GRIN2A: variants seen among roughly 807,000 people sequenced by gnomAD.
GRIN2A encodes the protein glutamate receptor ionotropic, NMDA 2A.
In GRIN2A, 22 loss-of-function variants were observed where a neutral mutation model predicts 113.4. That is an observed-to-expected ratio of 0.19 (90% CI 0.14 to 0.28). The LOEUF is 0.28. Among genes scored for constraint, GRIN2A ranks in the 10% least tolerant of loss-of-function variants. The pLI is 1.00. For synonymous variants in GRIN2A, 827 were observed against 738.4 expected, an observed-to-expected ratio of 1.12 and a Z score of -1.94; for missense variants, 1,502 against 1,887.0, an observed-to-expected ratio of 0.80 and a Z score of 3.78.
At chr16:9,950,289 A>G (rs1459046421) in intron 2 of GRIN2A, among the ~76,000 whole-genome samples, 3 of 152,090 alleles carry the variant, frequency 2.0e-5, no homozygotes, top group African/African-American at 7.2e-5. Context: ...CTCCTCTCCC[A>G]GCTACATATC....
intron 2 of GRIN2A, among the ~76,000 whole-genome samples, chr16:10,031,790 G>A (rs1350497405): frequency 6.6e-6 from 1 of 152,324 alleles, no homozygotes; most frequent in Non-Finnish European, 1.5e-5. Context: ...TGTGGCCTGA[G>A]GGTCTCAGCA....
chr16:10,171,778 A>G (rs979493287), intron 2 of GRIN2A, among the ~76,000 whole-genome samples: 1 of 152,242 alleles, frequency 6.6e-6, no homozygotes. Context: ...ATTTATTATA[A>G]GGTAGGCACT....
At chr16:9,990,561 GCGCACACACACACA>G (rs1453784703) in intron 2 of GRIN2A, among the ~76,000 whole-genome samples, 29 of 128,740 alleles carry the variant, frequency 2.3e-4, no homozygotes, top group African/African-American at 6.4e-4. Flanking sequence ...GCGCGCGCGC[GCGCACACACACACA>G]CACACACACA....
chr16:9,777,855 G>A (rs1901697782), intron 11 of GRIN2A, among the ~76,000 whole-genome samples: 1 of 152,244 alleles, frequency 6.6e-6, no homozygotes. Flanking sequence ...CCTGGGGTCA[G>A]GAGTTTGAGA....
chr16:10,018,032 G>T (rs533928960), intron 2 of GRIN2A, among the ~76,000 whole-genome samples: 1 of 152,236 alleles, frequency 6.6e-6, no homozygotes, highest in African/African-American at 2.4e-5. Flanking sequence ...TCCAAGGAGG[G>T]ATTCTTAATC....
intron 2 of GRIN2A, among the ~76,000 whole-genome samples, chr16:10,147,652 A>C (rs943312538): frequency 7.2e-6 from 1 of 139,536 alleles, no homozygotes; most frequent in Non-Finnish European, 1.5e-5. Flanking sequence ...AAAAAAAAAA[A>C]GAAGAAGAAG....
intron 2 of GRIN2A, among the ~76,000 whole-genome samples, chr16:10,034,351 C>T (rs1197326498): frequency 6.6e-6 from 1 of 151,492 alleles, no homozygotes; most frequent in African/African-American, 2.4e-5. Context: ...ATGGTGAAAC[C>T]CTATCTCTAC....
At chr16:10,151,147 G>A (rs988713246) in intron 2 of GRIN2A, among the ~76,000 whole-genome samples, 1 of 152,196 alleles carries the variant, frequency 6.6e-6, no homozygotes, top group Admixed American at 6.5e-5. Flanking sequence ...CCGCCATCTT[G>A]ATGAGTCTAT....
chr16:9,817,315 G>C (rs1242631451), intron 10 of GRIN2A, among the ~76,000 whole-genome samples: 2 of 152,164 alleles, frequency 1.3e-5, no homozygotes, highest in South Asian at 2.1e-4. Context: ...GTGCTGCGGG[G>C]AATGATGCTT....
intron 4 of GRIN2A, among the ~76,000 whole-genome samples, chr16:9,880,717 C>T (rs528159974): frequency 6.6e-6 from 1 of 152,286 alleles, no homozygotes; most frequent in African/African-American, 2.4e-5. Context: ...TGCCTCTGAA[C>T]CTGACTTTTT....
intron 2 of GRIN2A, among the ~76,000 whole-genome samples, chr16:10,091,471 C>T (rs398042001): frequency 0.23 from 34,858 of 150,954 alleles, 4,689 homozygotes; most frequent in Non-Finnish European, 0.29. Context: ...CACACACACA[C>T]ACACACACAC....
intron 3 of GRIN2A, among the ~76,000 whole-genome samples, chr16:9,927,549 G>T (rs1034439374): frequency 8.5e-5 from 13 of 152,260 alleles, no homozygotes; most frequent in African/African-American, 2.9e-4. Context: ...TGGAATTTTT[G>T]TTACGGGAAC....
At chr16:9,963,568 C>A (rs993894789) in intron 2 of GRIN2A, among the ~76,000 whole-genome samples, 2 of 152,072 alleles carry the variant, frequency 1.3e-5, no homozygotes, top group African/African-American at 4.8e-5. Flanking sequence ...GCATCTCGAT[C>A]TGTGTGGTCA....
At chr16:9,889,249 A>C (rs569594294) in intron 4 of GRIN2A, among the ~76,000 whole-genome samples, 2 of 152,150 alleles carry the variant, frequency 1.3e-5, no homozygotes, top group South Asian at 4.1e-4. Context: ...TGTTGTCATA[A>C]ATTTTTCATA....
At chr16:10,012,255 A>G (rs1217302603) in intron 2 of GRIN2A, among the ~76,000 whole-genome samples, 1 of 152,198 alleles carries the variant, frequency 6.6e-6, no homozygotes, top group African/African-American at 2.4e-5. Flanking sequence ...AATTGAACTG[A>G]TTATGTGACA....
intron 3 of GRIN2A, among the ~76,000 whole-genome samples, chr16:9,918,656 T>C (rs1354484168): frequency 6.6e-6 from 1 of 152,168 alleles, no homozygotes; most frequent in Non-Finnish European, 1.5e-5. Flanking sequence ...GTCCAAAGTA[T>C]CTTGTGCAAA....
In GRIN2A at chr16:9,812,327, G is replaced by A. The variant is rs1173709021; in HGVS notation, c.2168+9937C>T. Among the ~76,000 whole-genome samples, 3 of 152,112 alleles carry A rather than the reference G, an allele frequency of 2.0e-5. No homozygotes were observed. The East Asian group carries it at 5.8e-4, about 29-fold the overall frequency. ...GCACTCAGGTAAGCTCCCAATAAAT[G>A]GAATCTGTTAGTTAGAAATGCCTCA... On this transcript the variant is annotated intron_variant, in intron 10 of 12. Transcript: ENST00000330684.
At chr16:9,944,109 T>C (rs1596349725) in intron 2 of GRIN2A, among the ~76,000 whole-genome samples, 1 of 152,158 alleles carries the variant, frequency 6.6e-6, no homozygotes, top group South Asian at 2.1e-4. Context: ...CTTATTTTCC[T>C]GCTGTCTGCC....
chr16:10,140,967 G>C (rs1474727879), intron 2 of GRIN2A, among the ~76,000 whole-genome samples: 2 of 152,142 alleles, frequency 1.3e-5, no homozygotes, highest in African/African-American at 4.8e-5. Flanking sequence ...GCCAAGGTGG[G>C]AGGACTGCTT....
Sources: gnomAD v4.1 joint callset for allele counts (sites outside exome capture counted in the v4.1 genomes callset) on GRCh38, gnomAD v4.1.1 for gene constraint, MANE v1.5 for transcripts, NCBI Gene and HGNC (gene_info 2026-07-23, HGNC 2026-07-21) for gene names.